Variants in GRM7 observed in about 807,000 individuals in gnomAD.
The protein encoded by GRM7 is glutamate metabotropic receptor 7, also known as metabotropic glutamate receptor 7.
Under a neutral mutation model 84.5 loss-of-function variants are expected in GRM7, and 35 were observed. That is an observed-to-expected ratio of 0.41 (90% CI 0.32 to 0.55). GRM7 has a LOEUF of 0.55. GRM7 is among the 20% of genes least tolerant of loss of function. The pLI, the probability that GRM7 is intolerant of heterozygous loss-of-function variation, is 0.19. For synonymous variants in GRM7, 487 were observed against 455.1 expected (o/e 1.07, Z -0.89); for missense variants, 1,003 against 1,194.6 (o/e 0.84, Z 2.36).
intron 8 of GRM7, among the ~76,000 whole-genome samples, chr3:7,673,248 T>C (rs1699994738): frequency 6.6e-6 from 1 of 152,106 alleles, no homozygotes; most frequent in African/African-American, 2.4e-5. Context: ...AGACTACAAA[T>C]AATAGCTTTT....
At chr3:7,002,211 C>T (rs559303199) in intron 1 of GRM7, among the ~76,000 whole-genome samples, 15 of 152,234 alleles carry the variant, frequency 9.9e-5, no homozygotes, top group African/African-American at 3.4e-4. Flanking sequence ...TAGTGGTTAG[C>T]TACGTAGGCT....
intron 2 of GRM7, among the ~76,000 whole-genome samples, chr3:7,181,734 C>T (rs544316344): frequency 1.3e-5 from 2 of 152,054 alleles, no homozygotes; most frequent in South Asian, 4.1e-4. Flanking sequence ...TCAGCCTCCC[C>T]AGTAGCTGGA....
intron 4 of GRM7, among the ~76,000 whole-genome samples, chr3:7,340,953 C>T (rs1701614662): frequency 1.3e-5 from 2 of 152,212 alleles, no homozygotes; most frequent in South Asian, 4.1e-4. Context: ...TTGTACCTGG[C>T]ACCTGCAGAG....
chr3:7,705,743 A>C (rs142725613), intron 9 of GRM7, among the ~76,000 whole-genome samples: 59 of 152,310 alleles, frequency 3.9e-4, no homozygotes, highest in African/African-American at 1.3e-3. Flanking sequence ...AGTGTGGTTC[A>C]AGAAAAAGCC....
chr3:7,537,367 G>T (rs1701280969), intron 7 of GRM7, among the ~76,000 whole-genome samples: 1 of 152,072 alleles, frequency 6.6e-6, no homozygotes, highest in African/African-American at 2.4e-5. Flanking sequence ...TTTAGCAAAG[G>T]GACAATGAAT....
intron 1 of GRM7, among the ~76,000 whole-genome samples, chr3:6,941,487 T>C (rs1000368524): frequency 6.6e-6 from 1 of 152,186 alleles, no homozygotes; most frequent in African/African-American, 2.4e-5. Context: ...CAGAAAGGTT[T>C]ATGAAGAGAA....
chr3:6,972,921 CT>C (rs1300647915), intron 1 of GRM7, among the ~76,000 whole-genome samples: 2 of 152,234 alleles, frequency 1.3e-5, no homozygotes, highest in African/African-American at 4.8e-5. Flanking sequence ...TGGCACATTT[CT>C]GTGCCTGACA....
chr3:7,348,820 A>G (rs1349508272), intron 4 of GRM7, among the ~76,000 whole-genome samples: 2 of 152,182 alleles, frequency 1.3e-5, no homozygotes, highest in African/African-American at 2.4e-5. Context: ...CCGGATGCAC[A>G]CTAAAGTTTA....
intron 4 of GRM7, among the ~76,000 whole-genome samples, chr3:7,340,156 C>A (rs73113714): frequency 1.3e-5 from 2 of 152,026 alleles, no homozygotes; most frequent in Admixed American, 1.3e-4. Flanking sequence ...TAAACAAGAA[C>A]TGTGTCATAT....
At position 7,454,081 on chromosome 3, in the gene GRM7, T is replaced by TAC. The variant is rs141029901; in HGVS notation, c.1375+1283_1375+1284dup. Among the ~76,000 whole-genome samples the TAC allele has an allele frequency of 3.7e-3, 523 of 142,586 alleles. 5 individuals carry two copies. Among genetic ancestry groups the TAC allele is most frequent in the African/African-American group, 6.8e-3 (256 of 37,462 alleles). 93.5% of individuals were successfully genotyped at this position (142,586 alleles called of 152,430 possible). ...GAGCCAAGAACCATACATGAAAAGC[T>TAC]ACACACACACTCTCTCTCTCTCTCT... On this transcript the variant is annotated intron_variant, in intron 6 of 9. Coordinates refer to ENST00000357716, the MANE Select transcript of GRM7 (RefSeq NM_000844.4).
At chr3:7,362,421 C>T (rs1475184468) in intron 4 of GRM7, among the ~76,000 whole-genome samples, 2 of 151,882 alleles carry the variant, frequency 1.3e-5, no homozygotes, top group African/African-American at 4.8e-5. Flanking sequence ...ATTATTTGGT[C>T]AATATCTCAG....
At chr3:7,673,822 A>G (rs1029268401) in intron 8 of GRM7, among the ~76,000 whole-genome samples, 1 of 152,202 alleles carries the variant, frequency 6.6e-6, no homozygotes, top group Non-Finnish European at 1.5e-5. Flanking sequence ...TGTTTCTTGC[A>G]GAAGAAATCA....
intron 2 of GRM7, among the ~76,000 whole-genome samples, chr3:7,282,037 T>TGC (rs1252449088): frequency 6.6e-6 from 1 of 152,102 alleles, no homozygotes; most frequent in Non-Finnish European, 1.5e-5. Context: ...GAGCAGAGAT[T>TGC]GCGCCACTGC....
chr3:7,569,636 C>G (rs571176079), intron 7 of GRM7, among the ~76,000 whole-genome samples: 27 of 152,134 alleles, frequency 1.8e-4, no homozygotes, highest in Non-Finnish European at 2.6e-4. Flanking sequence ...GCTCCTCACC[C>G]TTTGGGTCCA....
intron 1 of GRM7, among the ~76,000 whole-genome samples, chr3:7,108,165 G>A (rs1057176133): frequency 2.0e-5 from 3 of 152,014 alleles, no homozygotes; most frequent in Admixed American, 2.0e-4. Context: ...AGTGCTGCAC[G>A]ATAGAGTATT....
intron 4 of GRM7, among the ~76,000 whole-genome samples, chr3:7,332,428 T>C (rs1003104136): frequency 6.6e-6 from 1 of 152,322 alleles, no homozygotes; most frequent in Admixed American, 6.5e-5. Context: ...ATGAAATATA[T>C]TCACCATATC....
At chr3:7,189,186 G>A (rs1695623269) in intron 2 of GRM7, among the ~76,000 whole-genome samples, 1 of 152,114 alleles carries the variant, frequency 6.6e-6, no homozygotes, top group Non-Finnish European at 1.5e-5. Flanking sequence ...ATGTATGCAT[G>A]TATCTCAATA....
chr3:7,448,501 C>G (rs1047689499), intron 5 of GRM7, among the ~76,000 whole-genome samples: 1 of 152,126 alleles, frequency 6.6e-6, no homozygotes, highest in East Asian at 1.9e-4. Context: ...AATATCTGAA[C>G]AGAATCAGAT....
intron 7 of GRM7, among the ~76,000 whole-genome samples, chr3:7,467,510 C>G (rs1249616046): frequency 6.6e-6 from 1 of 152,168 alleles, no homozygotes; most frequent in Non-Finnish European, 1.5e-5. Flanking sequence ...CGTACTACGT[C>G]TCCCTAATCA....
Sources: allele counts gnomAD v4.1 joint callset (sites outside exome capture counted in the v4.1 genomes callset), GRCh38; gene constraint gnomAD v4.1.1; transcripts MANE v1.5; gene names NCBI Gene and HGNC (gene_info 2026-07-23, HGNC 2026-07-21).